TGFBR3: variants seen among roughly 807,000 people sequenced by gnomAD.
TGFBR3 encodes the protein transforming growth factor beta receptor 3.
A neutral mutation model predicts 87.9 loss-of-function variants in TGFBR3; 46 were observed. That is an observed-to-expected ratio of 0.52 (90% CI 0.41 to 0.67). The LOEUF is 0.67. TGFBR3 is among the 30% of genes least tolerant of loss of function. The probability of loss-of-function intolerance (pLI) is 0.00; values close to 1 mark genes in which losing one functional copy is unlikely to be tolerated. For missense variants in TGFBR3, 866 were observed against 1,041.9 expected (o/e 0.83, Z 2.32); for synonymous variants, 381 against 391.6 (o/e 0.97, Z 0.32).
intron 5 of TGFBR3, among the ~76,000 whole-genome samples, chr1:91,732,893 G>A (rs1292746361): frequency 6.6e-6 from 1 of 152,188 alleles, no homozygotes; most frequent in Non-Finnish European, 1.5e-5. Context: ...ATGCACTGCC[G>A]AGAGAACACA....
rs1374714064 is a variant in TGFBR3 at position 91,689,426 on chromosome 1, A to C, written c.2438-5569T>G. Among the ~76,000 whole-genome samples, 10 of 152,334 alleles carry C rather than the reference A, an allele frequency of 6.6e-5. No homozygotes were observed. In the East Asian group the frequency reaches 1.9e-3, roughly 29 times the overall value. ...CGACAGCAAGGACTTTCTGTTGCTC[A>C]TGGCTATTTTACCAGTGCCTAGAAT... On this transcript the variant is annotated intron_variant, in intron 16 of 16. Coordinates refer to ENST00000212355, the MANE Select transcript of TGFBR3 (RefSeq NM_003243.5).
intron 5 of TGFBR3, among the ~76,000 whole-genome samples, chr1:91,734,073 G>GGAGGGAGA (rs1672869315): frequency 6.9e-6 from 1 of 145,280 alleles, no homozygotes; most frequent in Non-Finnish European, 1.5e-5. Context: ...AGGGAGGGAG[G>GGAGGGAGA]GAGGAAAAGA....
At chr1:91,886,246 G>T (rs756386454), upstream of TGFBR3, 2 of 443,604 alleles carry the variant, frequency 4.5e-6, no homozygotes, top group African/African-American at 2.0e-5. Flanking sequence ...GCGGGGGGAA[G>T]GGCGCTCCTC....
chr1:91,758,620 A>T lies in TGFBR3; in HGVS notation c.377T>A (p.Leu126Gln). 6.2e-7 allele frequency: 1 copy of T among 1,614,004 alleles called. No homozygotes were observed. Among genetic ancestry groups the T allele is most frequent in the South Asian group, 1.1e-5 (1 of 91,084 alleles). ...GGAGGTTTAAGCACTTACCAAAAAC[A>T]GTCTGGAGACCCCAGTGGCAAGTCT... Reference protein sequence around the residue: ...TERLATGVSRLFLVSEGSVVQ... With the variant: ...TERLATGVSRQFLVSEGSVVQ... Residue 126 changes from leucine (L) to glutamine (Q), a missense_variant, in exon 4 of 17, where the codon CTG becomes CAG. Leu to Gln is a moderately radical substitution (Grantham distance 113). Coordinates refer to ENST00000212355, the MANE Select transcript of TGFBR3 (RefSeq NM_003243.5).
intron 1 of TGFBR3, among the ~76,000 whole-genome samples, chr1:91,878,966 C>G (rs182612009): frequency 6.6e-6 from 1 of 152,220 alleles, no homozygotes; most frequent in Non-Finnish European, 1.5e-5. Context: ...ATCTTGGCAA[C>G]AGTTTAACAT....
chr1:91,731,269 C>G (rs951617457), intron 5 of TGFBR3, among the ~76,000 whole-genome samples: 1 of 152,222 alleles, frequency 6.6e-6, no homozygotes, highest in Non-Finnish European at 1.5e-5. Flanking sequence ...GTCCCTCCCC[C>G]TCCCCACTTG....
intron 3 of TGFBR3, chr1:91,783,270 G>A (rs368601860): frequency 5.9e-4 from 6 of 10,170 alleles, no homozygotes; most frequent in African/African-American, 2.9e-3. Context: ...GGACTCTGTG[G>A]TTCAGGTGGA....
intron 7 of TGFBR3, among the ~76,000 whole-genome samples, chr1:91,724,936 A>T (rs1298606506): frequency 2.0e-5 from 3 of 152,204 alleles, no homozygotes; most frequent in African/African-American, 4.8e-5. Flanking sequence ...TGAGATTTTT[A>T]AAAATGTATT....
chr1:91,890,490 G>T (rs1679422448), upstream of TGFBR3, among the ~76,000 whole-genome samples: 1 of 129,254 alleles, frequency 7.7e-6, no homozygotes, highest in Admixed American at 1.0e-4. Context: ...CGCCATCTTG[G>T]CTCACTGCAA....
chr1:91,805,186 C>T (rs1675782962), intron 2 of TGFBR3, among the ~76,000 whole-genome samples: 1 of 152,164 alleles, frequency 6.6e-6, no homozygotes, highest in African/African-American at 2.4e-5. Context: ...GATTCACCTC[C>T]AGAGACAATC....
intron 2 of TGFBR3, among the ~76,000 whole-genome samples, chr1:91,803,864 G>A (rs1050989026): frequency 1.9e-4 from 29 of 152,020 alleles, no homozygotes; most frequent in African/African-American, 6.0e-4. Flanking sequence ...GGTACTCTCC[G>A]TTTCTCTCCA....
intron 3 of TGFBR3, among the ~76,000 whole-genome samples, chr1:91,782,854 C>A (rs927717782): frequency 6.6e-6 from 1 of 152,186 alleles, no homozygotes; most frequent in African/African-American, 2.4e-5. Context: ...ACACCTCACT[C>A]TGGGAGGGGG....
At chr1:91,836,553 T>C (rs1171126890) in intron 2 of TGFBR3, among the ~76,000 whole-genome samples, 1 of 152,184 alleles carries the variant, frequency 6.6e-6, no homozygotes, top group Non-Finnish European at 1.5e-5. Context: ...GTTCTCCTGC[T>C]GGCAGTGAGG....
intron 4 of TGFBR3, among the ~76,000 whole-genome samples, chr1:91,745,463 G>A (rs17131547): frequency 0.047 from 7,213 of 152,242 alleles, 383 homozygotes; most frequent in African/African-American, 0.14. Context: ...AATCTCAGTT[G>A]AGGTTTAAGT....
intron 4 of TGFBR3, among the ~76,000 whole-genome samples, chr1:91,746,530 G>A (rs1171979027): frequency 6.6e-6 from 1 of 152,020 alleles, no homozygotes; most frequent in East Asian, 1.9e-4. Context: ...ATAAAATGTT[G>A]GTATCATTAC....
At position 91,791,841 on chromosome 1, in the gene TGFBR3, C is replaced by A. The variant is rs1404259020; in HGVS notation, c.246+5446G>T. ...AGGCTGACGACAAGACTGGCAGAAC[C>A]AAACAAGTGCCTGGCAGGTGGCTGG... On this transcript the variant is annotated intron_variant, in intron 3 of 16. Transcript: ENST00000212355. Among the ~76,000 whole-genome samples the A allele has an allele frequency of 3.9e-5, 6 of 152,196 alleles. No homozygotes were observed. In the East Asian group the frequency reaches 1.2e-3, roughly 29 times the overall value.
chr1:91,834,804 T>C (rs1356448445), intron 2 of TGFBR3, among the ~76,000 whole-genome samples: 1 of 152,062 alleles, frequency 6.6e-6, no homozygotes, highest in East Asian at 1.9e-4. Context: ...TCAGCCTCCC[T>C]AGTAGTTGAG....
At chr1:91,862,638 T>C (rs568059168) in intron 1 of TGFBR3, among the ~76,000 whole-genome samples, 21 of 152,224 alleles carry the variant, frequency 1.4e-4, no homozygotes, top group Middle Eastern at 6.8e-3. Context: ...ATTTAGACAC[T>C]CCAAAGTATA....
At chr1:91,790,212 G>A (rs1571512950) in intron 3 of TGFBR3, among the ~76,000 whole-genome samples, 1 of 152,296 alleles carries the variant, frequency 6.6e-6, no homozygotes, top group East Asian at 1.9e-4. Flanking sequence ...TAATTTTCCT[G>A]TACCTTTTTG....
Sources: gnomAD v4.1 joint callset for allele counts (sites outside exome capture counted in the v4.1 genomes callset) on GRCh38, gnomAD v4.1.1 for gene constraint, MANE v1.5 for transcripts, NCBI Gene and HGNC (gene_info 2026-07-23, HGNC 2026-07-21) for gene names.